SORBS2: variants seen among roughly 807,000 people sequenced by gnomAD.
The protein encoded by SORBS2 is sorbin and SH3 domain containing 2.
A neutral mutation model predicts 97.7 loss-of-function variants in SORBS2; 46 were observed. The ratio of observed to expected loss-of-function variants is 0.47; its 90% CI spans 0.37 to 0.60. The LOEUF (loss-of-function observed/expected upper bound fraction) is 0.60. Ranked by LOEUF, SORBS2 falls within the 20% of genes least tolerant of loss-of-function variation. The pLI, the probability that SORBS2 is intolerant of heterozygous loss-of-function variation, is 0.00. For synonymous variants in SORBS2, 476 were observed against 473.4 expected, an observed-to-expected ratio of 1.01 and a Z score of -0.07; for missense variants, 1,316 against 1,282.3, an observed-to-expected ratio of 1.03 and a Z score of -0.40.
chr4:185,924,489 G>A (rs967662547), intron 1 of SORBS2, among the ~76,000 whole-genome samples: 1 of 152,206 alleles, frequency 6.6e-6, no homozygotes, highest in African/African-American at 2.4e-5. Context: ...ATATGCAAAT[G>A]TACGCCATTA....
intron 2 of SORBS2, among the ~76,000 whole-genome samples, chr4:185,756,299 C>T (rs754194519): frequency 2.6e-5 from 4 of 152,144 alleles, no homozygotes; most frequent in African/African-American, 9.7e-5. Context: ...TGAAAAATTT[C>T]CCCTTAGTAT....
chr4:185,863,929 A>G (rs550932748), intron 1 of SORBS2, among the ~76,000 whole-genome samples: 10 of 152,348 alleles, frequency 6.6e-5, no homozygotes, highest in Non-Finnish European at 1.0e-4. Flanking sequence ...CTATGAAATA[A>G]AGCATAAAAA....
rs920452678 is a variant in SORBS2 at position 185,607,470 on chromosome 4, T to A, written c.2796+4310A>T. 3 of 436,358 alleles carry A rather than the reference T, an allele frequency of 6.9e-6. No individual in the cohort carries two copies. In the Admixed American group the frequency reaches 1.1e-4, roughly 16 times the overall value. 27.0% of individuals were successfully genotyped at this position (436,358 alleles called of 1,614,324 possible). On this transcript the variant is annotated intron_variant, in intron 12 of 14. Coordinates refer to ENST00000418609, the Ensembl canonical transcript of SORBS2. The surrounding 1 kb of genome is among the most constrained non-coding windows in gnomAD (Gnocchi z 5.2). ...ATGCGGTGGTGAATATGAAAATAAT[T>A]TTATGTTTAACATAGATTTGAAGAC...
At chr4:185,630,218 ATAT>A (rs1342341897) in intron 5 of SORBS2, among the ~76,000 whole-genome samples, 2 of 152,170 alleles carry the variant, frequency 1.3e-5, no homozygotes, top group African/African-American at 4.8e-5. Flanking sequence ...TTTTTCAAAT[ATAT>A]TATTATAAGG....
At chr4:185,880,713 C>A (rs545474397) in intron 1 of SORBS2, among the ~76,000 whole-genome samples, 1 of 152,348 alleles carries the variant, frequency 6.6e-6, no homozygotes, top group East Asian at 1.9e-4. Flanking sequence ...GACCAGTGGC[C>A]TTTCCTCTCC....
chr4:185,859,760 A>T (rs530398247), intron 1 of SORBS2, among the ~76,000 whole-genome samples: 1 of 152,308 alleles, frequency 6.6e-6, no homozygotes, highest in South Asian at 2.1e-4. Flanking sequence ...CCTATAAAAG[A>T]TGGTGAATAA....
chr4:185,606,924 G>A lies in SORBS2; in HGVS notation c.2796+4856C>T. On this transcript the variant is annotated intron_variant, in intron 12 of 14. Transcript: ENST00000418609. This position sits in a 1 kb window ranked among gnomAD's most constrained non-coding sequence, Gnocchi z 4.3. The stretch of plus-strand genomic sequence containing the variant: ...CTGGTGCCTTTTTAGGGTCTGAGAA[G>A]CCCCTTCTCATTTTTCTCAACTCTG... 1.0e-6 allele frequency: 1 copy of A among 990,912 alleles called. No homozygotes were observed. The highest frequency in any genetic ancestry group is 1.2e-6 in the Non-Finnish European group (1 of 833,036). 61.4% of individuals were successfully genotyped at this position (990,912 alleles called of 1,614,324 possible).
At chr4:185,754,000 T>C (rs1459968642) in intron 2 of SORBS2, among the ~76,000 whole-genome samples, 1 of 152,204 alleles carries the variant, frequency 6.6e-6, no homozygotes, top group Non-Finnish European at 1.5e-5. Flanking sequence ...CATGCACGCA[T>C]ATATTCATTG....
At chr4:185,617,132 A>G (rs1194567883) in intron 9 of SORBS2, among the ~76,000 whole-genome samples, 1 of 152,176 alleles carries the variant, frequency 6.6e-6, no homozygotes, top group Non-Finnish European at 1.5e-5. Context: ...GCCATTCCTC[A>G]GGTTTTTATA....
intron 1 of SORBS2, among the ~76,000 whole-genome samples, chr4:185,899,815 C>T (rs72709745): frequency 0.02 from 3,106 of 152,278 alleles, 50 homozygotes; most frequent in Non-Finnish European, 0.033. Flanking sequence ...GTCATAAGCA[C>T]TCAGCAAATG....
chr4:185,850,785 G>C (rs912482410), intron 1 of SORBS2, among the ~76,000 whole-genome samples: 7 of 152,214 alleles, frequency 4.6e-5, no homozygotes, highest in Non-Finnish European at 1.0e-4. Flanking sequence ...GAGTGTGTCT[G>C]TGAGGGTGTT....
At chr4:185,747,374 C>A (rs1296938415) in intron 2 of SORBS2, among the ~76,000 whole-genome samples, 1 of 152,228 alleles carries the variant, frequency 6.6e-6, no homozygotes, top group Non-Finnish European at 1.5e-5. Context: ...AGGGATGTGA[C>A]TTTATTGTAG....
intron 12 of SORBS2, among the ~76,000 whole-genome samples, chr4:185,610,124 G>A (rs1366112253): frequency 6.6e-6 from 1 of 152,102 alleles, no homozygotes; most frequent in Non-Finnish European, 1.5e-5. Context: ...AAAACATTGG[G>A]ATCAAAAATA....
intron 8 of SORBS2, among the ~76,000 whole-genome samples, chr4:185,619,529 GC>G (rs2096680923): frequency 6.6e-6 from 1 of 152,288 alleles, no homozygotes. Flanking sequence ...AAGAACTCTA[GC>G]CCCGGCTCAG....
chr4:185,709,320 T>TTTTTTTTTTC (rs1181008953), intron 2 of SORBS2, among the ~76,000 whole-genome samples: 7 of 140,974 alleles, frequency 5.0e-5, no homozygotes, highest in African/African-American at 1.3e-4. Flanking sequence ...TTTTTTTTTT[T>TTTTTTTTTTC]TTTTAGTAAA....
intron 1 of SORBS2, among the ~76,000 whole-genome samples, chr4:185,833,413 G>GT (rs1271583603): frequency 6.6e-6 from 1 of 152,196 alleles, no homozygotes; most frequent in Non-Finnish European, 1.5e-5. Flanking sequence ...TTATCACCTT[G>GT]TAATACTGTG....
At chr4:185,601,664 G>A (rs1031451518) in intron 12 of SORBS2, among the ~76,000 whole-genome samples, 12 of 152,034 alleles carry the variant, frequency 7.9e-5, no homozygotes, top group African/African-American at 2.9e-4. Flanking sequence ...ACTAATACAG[G>A]GGTTCAATGC....
chr4:185,921,445 C>T lies in SORBS2; in HGVS notation c.-338+34751G>A, dbSNP rs191792697. Reference sequence around the variant, plus strand: ...CAACCCAGATGCTTTGCAATGGTGGCGTTAGAAAAATATTTTATTAAATTT... The same window carrying T: ...CAACCCAGATGCTTTGCAATGGTGGTGTTAGAAAAATATTTTATTAAATTT... On this transcript the variant is annotated intron_variant, in intron 1 of 20. Coordinates refer to the SORBS2 transcript ENST00000284776. 1.1e-3 allele frequency among the ~76,000 whole-genome samples: 163 copies of T among 151,738 alleles called. 1 individual carries two copies. Among genetic ancestry groups the T allele is most frequent in the African/African-American group, 3.6e-3 (149 of 41,370 alleles).
intron 1 of SORBS2, among the ~76,000 whole-genome samples, chr4:185,875,994 T>C (rs2149757939): frequency 6.6e-6 from 1 of 152,364 alleles, no homozygotes; most frequent in East Asian, 1.9e-4. Context: ...TTTCAGTTTC[T>C]CTCAATAACA....
Sources: allele counts gnomAD v4.1 joint callset (sites outside exome capture counted in the v4.1 genomes callset), GRCh38; gene constraint gnomAD v4.1.1; non-coding constraint Gnocchi (gnomAD v3.1); transcripts MANE v1.5; gene names NCBI Gene and HGNC (gene_info 2026-07-23, HGNC 2026-07-21).